The following MRPL14 variants were observed in gnomAD, a reference collection of about 807,000 sequenced individuals.
MRPL14 encodes the protein mitochondrial ribosomal protein L14, also known as large ribosomal subunit protein uL14m.
A neutral mutation model predicts 10.9 loss-of-function variants in MRPL14; 8 were observed. That is an observed-to-expected ratio of 0.74 (90% CI 0.43 to 1.33). MRPL14 has a LOEUF of 1.33. Among genes scored for constraint, MRPL14 ranks in the 40% most tolerant of loss-of-function variants. MRPL14 has a pLI of 0.01. For missense variants in MRPL14, 179 were observed against 194.5 expected, an observed-to-expected ratio of 0.92 and a Z score of 0.47; for synonymous variants, 82 against 74.1, an observed-to-expected ratio of 1.11 and a Z score of -0.54.
intron 1 of MRPL14, among the ~76,000 whole-genome samples, chr6:44,125,485 A>C (rs1016616536): frequency 1.3e-4 from 19 of 151,804 alleles, no homozygotes; most frequent in Admixed American, 1.0e-3. Context: ...GTGAAACCCT[A>C]TCTCTACTAA....
At chr6:44,119,414 G>C (rs1776191128) in intron 1 of MRPL14, among the ~76,000 whole-genome samples, 1 of 151,984 alleles carries the variant, frequency 6.6e-6, no homozygotes, top group African/African-American at 2.4e-5. Context: ...TGTAGTCCCA[G>C]GTACTCAGGA....
chr6:44,117,578 A>G (rs72855989), intron 1 of MRPL14, among the ~76,000 whole-genome samples: 9,964 of 152,174 alleles, frequency 0.065, 533 homozygotes, highest in East Asian at 0.23. Flanking sequence ...ACAAGTTCAA[A>G]CCACCTCAGA....
chr6:44,125,293 A>G (rs1776847386), intron 1 of MRPL14, among the ~76,000 whole-genome samples: 1 of 152,244 alleles, frequency 6.6e-6, no homozygotes, highest in African/African-American at 2.4e-5. Context: ...AGGCACAGGC[A>G]GAAATAGTTC....
In MRPL14 at chr6:44,113,863, T is replaced by C. The variant is rs757517851; in HGVS notation, c.418A>G (p.Ile140Val). The change falls in exon 3 of 3, where the codon ATT becomes GTT. Residue 140 changes from isoleucine to valine, a missense_variant. By Grantham distance (29) the Ile-to-Val change is conservative. Coordinates refer to ENST00000372014, the MANE Select transcript of MRPL14 (RefSeq NM_032111.4). ...TCAACTCACACAAAGTTCTGAGCAA[T>C]GGCCAGCACCTTGGAATACTCGCCT... Reference protein sequence around the residue: ...REGEYSKVLAIAQNFV With the variant: ...REGEYSKVLAVAQNFV The C allele has an allele frequency of 1.3e-6, 2 of 1,571,794 alleles. No individual in the cohort carries two copies. The highest frequency in any genetic ancestry group is 1.7e-6 in the Non-Finnish European group (2 of 1,154,546).
chr6:44,120,707 AGC>A (rs1483920825), intron 1 of MRPL14, among the ~76,000 whole-genome samples: 2 of 152,228 alleles, frequency 1.3e-5, no homozygotes, highest in African/African-American at 2.4e-5. Flanking sequence ...AAAAGACCCC[AGC>A]CAGTCCTGAT....
intron 2 of MRPL14, among the ~76,000 whole-genome samples, chr6:44,115,000 T>A (rs1256920477): frequency 6.6e-6 from 1 of 152,210 alleles, no homozygotes; most frequent in Admixed American, 6.5e-5. Flanking sequence ...CAGAAACTGG[T>A]AATAAGTCAA....
intron 1 of MRPL14, among the ~76,000 whole-genome samples, chr6:44,122,698 A>G (rs940131107): frequency 7.6e-6 from 1 of 131,764 alleles, no homozygotes; most frequent in Non-Finnish European, 1.6e-5. Flanking sequence ...AGGTTCTGCT[A>G]GTATGTAACG....
At chr6:44,121,936 C>CAAA (rs61174423) in intron 1 of MRPL14, among the ~76,000 whole-genome samples, 1 of 134,736 alleles carries the variant, frequency 7.4e-6, no homozygotes. Flanking sequence ...AAGACTGTCT[C>CAAA]AAAAAAAAAA....
At chr6:44,122,016 T>C (rs1449049033) in intron 1 of MRPL14, among the ~76,000 whole-genome samples, 1 of 151,768 alleles carries the variant, frequency 6.6e-6, no homozygotes, top group Admixed American at 6.5e-5. Flanking sequence ...TTGGTGGTTT[T>C]TCCTGTGCCC....
At position 44,116,529 on chromosome 6, in the gene MRPL14, G is replaced by T. The variant is rs558363175; in HGVS notation, c.71+12C>A. ...AAAGACACAGTTTTAAGAACTTAAT[G>T]GGAAAAGTTACCTGAAACAGTGATG... On this transcript the variant is annotated intron_variant, in intron 2 of 2. Coordinates refer to ENST00000372014, the MANE Select transcript of MRPL14 (RefSeq NM_032111.4). The T allele has an allele frequency of 1.2e-6, 2 of 1,613,720 alleles. No homozygotes were observed. The highest frequency in any genetic ancestry group is 2.2e-5 in the South Asian group (2 of 91,066).
Position 44,113,731 on chromosome 6 carries a change from T to C in MRPL14, c.*112A>G. On this transcript the variant is annotated 3_prime_UTR_variant, in exon 3 of 3. Transcript: ENST00000372014. ...TTTATTCTCTCACAGGATACTACAC[T>C]GTTACCCAGTGTGAAGGGAGCAGCC... The C allele has an allele frequency of 1.8e-6, 2 of 1,120,244 alleles. No individual in the cohort carries two copies. The highest frequency in any genetic ancestry group is 1.3e-6 in the Non-Finnish European group (1 of 787,012). The allele number at this position is 1,120,244 out of a possible 1,614,324, so 69.4% of individuals were successfully genotyped here.
intron 1 of MRPL14, among the ~76,000 whole-genome samples, chr6:44,118,790 C>A (rs973431637): frequency 3.3e-5 from 5 of 152,038 alleles, no homozygotes; most frequent in African/African-American, 2.4e-5. Flanking sequence ...CATGGAGAAA[C>A]CCTGTCTCTA....
chr6:44,122,630 A>G (rs755791731), intron 1 of MRPL14, among the ~76,000 whole-genome samples: 3 of 152,238 alleles, frequency 2.0e-5, no homozygotes, highest in Non-Finnish European at 2.9e-5. Context: ...GTACTTAGAT[A>G]TGATAGAAAA....
In MRPL14 at chr6:44,114,014, G is replaced by A; in HGVS notation, c.267C>T (p.His89=). 2 of 1,614,192 alleles carry A rather than the reference G, an allele frequency of 1.2e-6. No homozygotes were observed. The highest frequency in any genetic ancestry group is 2.2e-5 in the South Asian group (2 of 91,086). ...GQKKKALIVG[H]CMPGPRMTPR... is the part of the protein sequence containing the mutation. The stretch of plus-strand genomic sequence containing the variant: ...GGGTCATTCGGGGGCCAGGCATGCA[G>A]TGCCCCACAATGAGCGCCTTTTTCT... The change falls in exon 3 of 3, where the codon CAC becomes CAT. Residue 89 remains histidine (H), a synonymous_variant. Coordinates refer to ENST00000372014, the MANE Select transcript of MRPL14 (RefSeq NM_032111.4).
chr6:44,118,433 A>G (rs1272390688), intron 1 of MRPL14, among the ~76,000 whole-genome samples: 1 of 152,246 alleles, frequency 6.6e-6, no homozygotes, highest in Admixed American at 6.5e-5. Context: ...TGACTTGTGT[A>G]GAGTCCCACA....
intron 1 of MRPL14, among the ~76,000 whole-genome samples, chr6:44,125,654 C>CAAAAAAAA (rs56951374): frequency 1.2e-4 from 8 of 64,594 alleles, no homozygotes; most frequent in African/African-American, 3.9e-4. Context: ...GAGACTGTCT[C>CAAAAAAAA]AAAAAAAAAA....
chr6:44,116,086 T>C (rs1241097050), intron 2 of MRPL14, among the ~76,000 whole-genome samples: 4 of 152,236 alleles, frequency 2.6e-5, no homozygotes, highest in Non-Finnish European at 5.9e-5. Context: ...CCAGGAGGCA[T>C]GTCTGCCAAC....
chr6:44,124,877 C>T (rs1185294308), intron 1 of MRPL14, among the ~76,000 whole-genome samples: 1 of 152,082 alleles, frequency 6.6e-6, no homozygotes, highest in Non-Finnish European at 1.5e-5. Flanking sequence ...TTTTCGAGAC[C>T]CCCCCTACAG....
intron 1 of MRPL14, 49 bp from the exon 2 acceptor site, chr6:44,116,678 T>C (rs544244421): frequency 1.3e-4 from 179 of 1,330,594 alleles, no homozygotes; most frequent in Non-Finnish European, 1.9e-4. Flanking sequence ...GTCAGAGCCC[T>C]TAAAGCCAGT....
Sources: gnomAD v4.1 joint callset for allele counts (sites outside exome capture counted in the v4.1 genomes callset) on GRCh38, gnomAD v4.1.1 for gene constraint, MANE v1.5 for transcripts, NCBI Gene and HGNC (gene_info 2026-07-23, HGNC 2026-07-21) for gene names.